MAP3K14: variants seen among roughly 807,000 people sequenced by gnomAD.
The protein encoded by MAP3K14 is mitogen-activated protein kinase kinase kinase 14.
Under a neutral mutation model 99.2 loss-of-function variants are expected in MAP3K14, and 16 were observed. The ratio of observed to expected loss-of-function variants is 0.16; its 90% CI spans 0.11 to 0.24. MAP3K14 has a LOEUF of 0.24. MAP3K14 is among the 10% of genes least tolerant of loss of function. The pLI, the probability that MAP3K14 is intolerant of heterozygous loss-of-function variation, is 1.00. For missense variants in MAP3K14, 784 were observed against 1,208.7 expected, an observed-to-expected ratio of 0.65 and a Z score of 5.21; for synonymous variants, 462 against 492.4, an observed-to-expected ratio of 0.94 and a Z score of 0.82.
At position 45,269,542 on chromosome 17, in the gene MAP3K14, C is replaced by T. The variant is rs184443256; in HGVS notation, c.1972+871G>A. Among the ~76,000 whole-genome samples, 42 of 152,234 alleles carry T rather than the reference C, an allele frequency of 2.8e-4. No homozygotes were observed. In the East Asian group the frequency reaches 7.3e-3, roughly 27 times the overall value. On this transcript the variant is annotated intron_variant, in intron 11 of 15. Coordinates refer to ENST00000344686, the MANE Select transcript of MAP3K14 (RefSeq NM_003954.5). ...GGGCTGGTCATCAGAGAGACATAGGCAGGATTAGAGGGTTGGGACTTTCAT... is the reference window on the plus strand; with the variant it reads ...GGGCTGGTCATCAGAGAGACATAGGTAGGATTAGAGGGTTGGGACTTTCAT...
chr17:45,285,090 G>T, intron 5 of MAP3K14, 141 bp from the exon 6 acceptor site: 2 of 875,260 alleles, frequency 2.3e-6, no homozygotes, highest in Non-Finnish European at 3.5e-6. Context: ...GCCCTGGGGC[G>T]AAGGCAGGGA....
At chr17:45,293,079 C>G (rs1385498102) in intron 1 of MAP3K14, among the ~76,000 whole-genome samples, 1 of 152,212 alleles carries the variant, frequency 6.6e-6, no homozygotes, top group Admixed American at 6.5e-5. Flanking sequence ...GTGTATAGCA[C>G]AGGGGCCACA....
intron 1 of MAP3K14, among the ~76,000 whole-genome samples, chr17:45,306,346 C>T (rs1012097915): frequency 1.3e-5 from 2 of 152,008 alleles, no homozygotes; most frequent in East Asian, 1.9e-4. Flanking sequence ...AAATTGGGAC[C>T]GAGATGCAGA....
intron 1 of MAP3K14, among the ~76,000 whole-genome samples, chr17:45,296,467 C>T (rs779628776): frequency 2.0e-5 from 3 of 151,854 alleles, no homozygotes; most frequent in African/African-American, 2.4e-5. Flanking sequence ...GCCATGACTG[C>T]ACCACCGCAC....
chr17:45,299,620 C>G (rs996171584), intron 1 of MAP3K14, among the ~76,000 whole-genome samples: 7 of 152,128 alleles, frequency 4.6e-5, no homozygotes, highest in Admixed American at 3.3e-4. Flanking sequence ...GTGAGTGAAA[C>G]GCAGCTGGAG....
chr17:45,277,068 T>TA (rs1256423565), intron 6 of MAP3K14, among the ~76,000 whole-genome samples: 1 of 151,688 alleles, frequency 6.6e-6, no homozygotes, highest in Non-Finnish European at 1.5e-5. Flanking sequence ...GGCCTCATGA[T>TA]CCGCCCACCT....
chr17:45,305,139 C>T (rs1046731037), intron 1 of MAP3K14, among the ~76,000 whole-genome samples: 11 of 152,032 alleles, frequency 7.2e-5, no homozygotes, highest in African/African-American at 2.7e-4. Context: ...GCTCTGTCGC[C>T]CAGGCTGGAG....
chr17:45,279,584 G>A (rs1360455551), intron 6 of MAP3K14, among the ~76,000 whole-genome samples: 1 of 151,918 alleles, frequency 6.6e-6, no homozygotes, highest in Admixed American at 6.6e-5. Flanking sequence ...CATCATGCCT[G>A]GCTAATTTTT....
chr17:45,311,743 G>A (rs2044481098), intron 1 of MAP3K14, among the ~76,000 whole-genome samples: 1 of 152,188 alleles, frequency 6.6e-6, no homozygotes, highest in Admixed American at 6.5e-5. Context: ...TCAGGTGGCT[G>A]AAAAGGAGGC....
chr17:45,279,093 A>T (rs1401663535), intron 6 of MAP3K14, among the ~76,000 whole-genome samples: 1 of 152,120 alleles, frequency 6.6e-6, no homozygotes. Context: ...AACACTGGGG[A>T]TCACTTTTTC....
chr17:45,299,471 C>A (rs1023156184), intron 1 of MAP3K14, among the ~76,000 whole-genome samples: 5 of 152,146 alleles, frequency 3.3e-5, no homozygotes, highest in African/African-American at 9.7e-5. Flanking sequence ...AACAATCTGA[C>A]AAGTGACAGG....
chr17:45,292,782 C>G (rs1482341403), intron 1 of MAP3K14, among the ~76,000 whole-genome samples: 1 of 152,190 alleles, frequency 6.6e-6, no homozygotes, highest in Non-Finnish European at 1.5e-5. Flanking sequence ...CAAAAAGTCT[C>G]CAAACCTAAC....
chr17:45,271,752 T>C (rs1176972757), intron 9 of MAP3K14, among the ~76,000 whole-genome samples: 1 of 152,220 alleles, frequency 6.6e-6, no homozygotes, highest in Non-Finnish European at 1.5e-5. Context: ...AGAGCATCCA[T>C]GATGTGGACT....
chr17:45,310,027 C>CTTTT (rs59117060), intron 1 of MAP3K14, among the ~76,000 whole-genome samples: 28 of 98,830 alleles, frequency 2.8e-4, no homozygotes, highest in African/African-American at 5.1e-4. Flanking sequence ...AGGAGTCCAT[C>CTTTT]TTTTTTTTTT....
At chr17:45,269,463 T>G (rs1020207998) in intron 11 of MAP3K14, among the ~76,000 whole-genome samples, 2 of 152,194 alleles carry the variant, frequency 1.3e-5, no homozygotes, top group African/African-American at 2.4e-5. Context: ...GATCTCTTTC[T>G]GTGTACTAAT....
intron 14 of MAP3K14, 130 bp downstream of exon 14, chr17:45,266,407 T>A: frequency 1.6e-6 from 2 of 1,249,198 alleles, no homozygotes; most frequent in Non-Finnish European, 2.2e-6. Context: ...GAACCTCAAG[T>A]TCTGGGACCA....
chr17:45,265,155 C>T lies in MAP3K14; in HGVS notation c.2679+8G>A. The stretch of plus-strand genomic sequence containing the variant: ...CTCTGCCCGTCAGAGTGTACCTGCC[C>T]CCCTTACCTGGCTGCTGATGCCAGT... On this transcript the variant is annotated splice_region_variant and intron_variant, in intron 15 of 15. Transcript: ENST00000344686. 6.2e-7 allele frequency: 1 copy of T among 1,610,718 alleles called. No individual in the cohort carries two copies. Among genetic ancestry groups the T allele is most frequent in the East Asian group, 2.2e-5 (1 of 44,866 alleles).
intron 1 of MAP3K14, among the ~76,000 whole-genome samples, chr17:45,295,265 A>G (rs1449718193): frequency 3.9e-5 from 6 of 152,052 alleles, no homozygotes; most frequent in Admixed American, 3.3e-4. Flanking sequence ...ATTTTTGTCA[A>G]ATGAAATCAT....
chr17:45,269,168 G>T (rs754434577), intron 11 of MAP3K14, among the ~76,000 whole-genome samples: 1 of 151,978 alleles, frequency 6.6e-6, no homozygotes, highest in Non-Finnish European at 1.5e-5. Flanking sequence ...GTGCCACCAT[G>T]CCTGGCTAAT....
Sources: allele counts gnomAD v4.1 joint callset (sites outside exome capture counted in the v4.1 genomes callset), GRCh38; gene constraint gnomAD v4.1.1; transcripts MANE v1.5; gene names NCBI Gene and HGNC (gene_info 2026-07-23, HGNC 2026-07-21).